The following DCAF8L2 variants were observed in gnomAD, a reference collection of about 807,000 sequenced individuals.
The protein encoded by DCAF8L2 is DDB1- and CUL4-associated factor 8-like protein 2.
For synonymous variants in DCAF8L2, 200 were observed against 190.9 expected (o/e 1.05, Z -0.39); for missense variants, 430 against 490.7 (o/e 0.88, Z 1.17).
chrX:27,713,874 G>A (rs908830608), intron 3 of DCAF8L2, among the ~76,000 whole-genome samples: 1 of 111,115 alleles, frequency 9.0e-6, no homozygotes, highest in African/African-American at 3.3e-5. Context: ...AGAAAAGAGG[G>A]TAATATCAGA....
chrX:27,661,689 C>T (rs1175649351), intron 2 of DCAF8L2, among the ~76,000 whole-genome samples: 1 of 111,563 alleles, frequency 9.0e-6, no homozygotes, highest in Non-Finnish European at 1.9e-5. Context: ...TTTATAAGTG[C>T]TTAGCTTTTA....
At chrX:27,523,364 ATC>A in the DCAF8L2 span, among the ~76,000 whole-genome samples, 3 of 107,422 alleles carry the variant, frequency 2.8e-5, no homozygotes, top group Admixed American at 2.1e-4. Context: ...TGTGTAATAT[ATC>A]TCTGTCAATC....
intron 1 of DCAF8L2, among the ~76,000 whole-genome samples, chrX:27,592,658 C>T (rs747855995): frequency 2.7e-5 from 3 of 110,119 alleles, no homozygotes; most frequent in Admixed American, 1.9e-4. Flanking sequence ...AGTATGGTCT[C>T]GATCTCCTGA....
chrX:27,498,488 A>G, the DCAF8L2 span, among the ~76,000 whole-genome samples: 2 of 112,768 alleles, frequency 1.8e-5, no homozygotes, highest in Non-Finnish European at 3.7e-5. Flanking sequence ...CTGTACATAT[A>G]TATTGTAAAA....
chrX:27,554,736 G>A, the DCAF8L2 span, among the ~76,000 whole-genome samples: 5 of 111,552 alleles, frequency 4.5e-5, no homozygotes, highest in African/African-American at 1.6e-4. Flanking sequence ...CTGACTTTTA[G>A]TCATCAAATT....
intron 1 of DCAF8L2, among the ~76,000 whole-genome samples, chrX:27,616,562 G>T (rs1482113706): frequency 9.0e-6 from 1 of 111,452 alleles, no homozygotes; most frequent in East Asian, 2.8e-4. Flanking sequence ...ATATACAAAA[G>T]AATGTGGACT....
intron 1 of DCAF8L2, among the ~76,000 whole-genome samples, chrX:27,594,431 A>T (rs1410950622): frequency 9.0e-6 from 1 of 110,993 alleles, no homozygotes; most frequent in Non-Finnish European, 1.9e-5. Context: ...CAGAATCTTG[A>T]AAGAATACTG....
the DCAF8L2 span, among the ~76,000 whole-genome samples, chrX:27,489,020 C>T: frequency 9.0e-6 from 1 of 111,668 alleles, no homozygotes; most frequent in Non-Finnish European, 1.9e-5. Flanking sequence ...ATTCTTTAGG[C>T]ACTTCTGGGA....
the DCAF8L2 span, among the ~76,000 whole-genome samples, chrX:27,502,332 AAAAATATATATATATATATATATATATAT>A: frequency 1.2e-4 from 4 of 34,057 alleles, no homozygotes; most frequent in Admixed American, 4.5e-4. Flanking sequence ...AAAAAAAAAA[AAAAATATATATATATATATATATATATAT>A]ATATATATAT....
chrX:27,748,252 C>G lies in DCAF8L2; in HGVS notation c.1357C>G (p.His453Asp). 8.3e-7 allele frequency: 1 copy of G among 1,211,647 alleles called. No individual in the cohort carries two copies. Among genetic ancestry groups the G allele is most frequent in the Non-Finnish European group, 1.1e-6 (1 of 895,214 alleles). ...CGATATTTACCTCTTCAACTCCTCTCACAGTGATGGTGCTCAATACAGTAA... is the reference window on the plus strand; with the variant it reads ...CGATATTTACCTCTTCAACTCCTCTGACAGTGATGGTGCTCAATACAGTAA... Reference protein sequence around the residue: ...DDDIYLFNSSHSDGAQYSKRF... With the variant: ...DDDIYLFNSSDSDGAQYSKRF... The change falls in exon 5 of 5, where the codon CAC becomes GAC. Residue 453 changes from histidine (H) to aspartate (D), a missense_variant. By Grantham distance (81) the His-to-Asp change is moderately conservative. Coordinates refer to ENST00000451261, the MANE Select transcript of DCAF8L2 (RefSeq NM_001353450.2).
At position 27,748,761 on chromosome X, in the gene DCAF8L2, C is replaced by G. The variant is rs750113929; in HGVS notation, c.1866C>G (p.Val622=). The G allele has an allele frequency of 2.5e-6, 3 of 1,203,087 alleles. No individual in the cohort carries two copies. The highest frequency in any genetic ancestry group is 2.2e-5 in the Admixed American group (1 of 45,446). The change falls in exon 5 of 5, where the codon GTC becomes GTG. Residue 622 remains valine (V), a synonymous_variant. Transcript: ENST00000451261. The part of the protein sequence containing the change: ...SSTSETSEEE[V]QDRVQCMPS ...CTTCAGAGACATCTGAGGAGGAGGTCCAAGACCGAGTGCAGTGCATGCCAT... is the reference window on the plus strand; with the variant it reads ...CTTCAGAGACATCTGAGGAGGAGGTGCAAGACCGAGTGCAGTGCATGCCAT...
chrX:27,524,060 G>A, the DCAF8L2 span, among the ~76,000 whole-genome samples: 1 of 111,915 alleles, frequency 8.9e-6, no homozygotes, highest in African/African-American at 3.2e-5. Flanking sequence ...AGTTAGGGAG[G>A]ATTCCCTCTT....
chrX:27,714,518 T>C (rs1003557223), intron 3 of DCAF8L2, among the ~76,000 whole-genome samples: 1 of 111,832 alleles, frequency 8.9e-6, no homozygotes, highest in African/African-American at 3.3e-5. Flanking sequence ...TAAATATGCT[T>C]AGTTTAGTAG....
chrX:27,604,838 A>G (rs1229248114), intron 1 of DCAF8L2, among the ~76,000 whole-genome samples: 2 of 112,077 alleles, frequency 1.8e-5, no homozygotes, highest in Non-Finnish European at 3.8e-5. Flanking sequence ...TGGATAATGG[A>G]GGAAGAAATA....
chrX:27,655,031 G>A (rs953255941), intron 2 of DCAF8L2, among the ~76,000 whole-genome samples: 3 of 110,263 alleles, frequency 2.7e-5, no homozygotes, highest in Admixed American at 9.8e-5. Context: ...TCCACATTTC[G>A]GAAGCTCTAG....
chrX:27,470,646 C>T, the DCAF8L2 span, among the ~76,000 whole-genome samples: 20 of 111,975 alleles, frequency 1.8e-4, no homozygotes, highest in Non-Finnish European at 3.0e-4. Context: ...GGCCACTTGG[C>T]TCTATTTTAA....
the DCAF8L2 span, among the ~76,000 whole-genome samples, chrX:27,513,001 A>G: frequency 9.9e-5 from 11 of 110,946 alleles, no homozygotes; most frequent in Non-Finnish European, 2.1e-4. Context: ...AGGAAAAGAC[A>G]GTCTCTTCAA....
At chrX:27,639,861 T>C (rs1928641553) in intron 2 of DCAF8L2, among the ~76,000 whole-genome samples, 3 of 112,088 alleles carry the variant, frequency 2.7e-5, no homozygotes, top group Admixed American at 1.9e-4. Flanking sequence ...CTGGCTTTCA[T>C]TGAACACTGT....
intron 1 of DCAF8L2, among the ~76,000 whole-genome samples, chrX:27,592,645 G>A (rs1926165228): frequency 9.1e-6 from 1 of 109,470 alleles, no homozygotes; most frequent in South Asian, 3.9e-4. Context: ...AACCTTGTTG[G>A]CCAGTATGGT....
Sources: allele counts gnomAD v4.1 joint callset (sites outside exome capture counted in the v4.1 genomes callset), GRCh38; gene constraint gnomAD v4.1.1; transcripts MANE v1.5; gene names NCBI Gene and HGNC (gene_info 2026-07-23, HGNC 2026-07-21).